TRAF3: variants seen among roughly 807,000 people sequenced by gnomAD.
TRAF3 encodes the protein TNF receptor associated factor 3, also known as TNF receptor-associated factor 3.
TRAF3 carries 13 observed loss-of-function variants against 62.3 expected under a neutral mutation model. That is an observed-to-expected ratio of 0.21 (90% confidence interval 0.14 to 0.33). The LOEUF is 0.33. TRAF3 is among the 10% of genes least tolerant of loss of function. The pLI is 1.00. For missense variants in TRAF3, 440 were observed against 741.8 expected (o/e 0.59, Z 4.73); for synonymous variants, 269 against 283.4 (o/e 0.95, Z 0.51).
intron 2 of TRAF3, among the ~76,000 whole-genome samples, 181 bp downstream of exon 2, chr14:102,830,653 G>A (rs1046292743): frequency 9.2e-5 from 14 of 152,248 alleles, no homozygotes; most frequent in Middle Eastern, 6.8e-3. Context: ...CCCATAGGAG[G>A]GGCAAAGGGC....
At chr14:102,782,356 C>T (rs1303536499) in intron 1 of TRAF3, among the ~76,000 whole-genome samples, 1 of 152,132 alleles carries the variant, frequency 6.6e-6, no homozygotes, top group Non-Finnish European at 1.5e-5. Flanking sequence ...GCCTTAGCCT[C>T]CTAAGTAGCT....
chr14:102,860,989 A>G (rs1237544035), intron 2 of TRAF3, among the ~76,000 whole-genome samples: 2 of 152,256 alleles, frequency 1.3e-5, no homozygotes, highest in African/African-American at 4.8e-5. Flanking sequence ...GTGGCCCTGA[A>G]TAACAGAAAA....
chr14:102,877,200 C>T (rs1888731022), intron 6 of TRAF3, among the ~76,000 whole-genome samples: 2 of 150,074 alleles, frequency 1.3e-5, no homozygotes, highest in Non-Finnish European at 3.0e-5. Context: ...AGGCCTTCCG[C>T]TCAGCTCATA....
At chr14:102,875,777 C>A in intron 5 of TRAF3, 49 bp downstream of exon 5, 3 of 1,490,834 alleles carry the variant, frequency 2.0e-6, no homozygotes, top group Non-Finnish European at 1.9e-6. Context: ...GAATTCGAGT[C>A]CCTTACATCC....
intron 1 of TRAF3, among the ~76,000 whole-genome samples, chr14:102,811,754 TG>T (rs1899174850): frequency 2.0e-5 from 3 of 149,318 alleles, no homozygotes; most frequent in Non-Finnish European, 4.5e-5. Context: ...TGTGTGTGTG[TG>T]TGTGTGTTTG....
At chr14:102,904,532 C>T (rs982887222) in intron 11 of TRAF3, among the ~76,000 whole-genome samples, 1 of 152,084 alleles carries the variant, frequency 6.6e-6, no homozygotes, top group Non-Finnish European at 1.5e-5. Context: ...AAAATGAGGC[C>T]GGGTGCAGTG....
chr14:102,831,581 T>C (rs1350286973), intron 2 of TRAF3, among the ~76,000 whole-genome samples: 1 of 152,208 alleles, frequency 6.6e-6, no homozygotes, highest in African/African-American at 2.4e-5. Flanking sequence ...TGAGTGCTCC[T>C]GGTCTGCCTT....
At chr14:102,891,185 C>T (rs560711686) in intron 8 of TRAF3, 140 bp from the exon 9 acceptor site, 48 of 812,530 alleles carry the variant, frequency 5.9e-5, no homozygotes, top group South Asian at 4.5e-4. Context: ...CCTCCTTAGG[C>T]GCAGAGATTC....
intron 2 of TRAF3, among the ~76,000 whole-genome samples, chr14:102,838,825 C>T (rs1886187645): frequency 1.3e-5 from 2 of 152,120 alleles, no homozygotes; most frequent in Non-Finnish European, 2.9e-5. Context: ...AATTTGATGA[C>T]GTCTGATTGT....
At position 102,870,166 on chromosome 14, in the gene TRAF3, T is replaced by C; in HGVS notation, c.-17-19T>C. 6.2e-7 allele frequency: 1 copy of C among 1,614,106 alleles called. No homozygotes were observed. The highest frequency in any genetic ancestry group is 8.5e-7 in the Non-Finnish European group (1 of 1,180,026). On this transcript the variant is annotated intron_variant, in intron 2 of 11. Coordinates refer to ENST00000392745, the MANE Select transcript of TRAF3 (RefSeq NM_145725.3). ...TGCATGAGAGGATATGATGGCACTC[T>C]ACTGTTTTTTCCCGACAGAACTCCT...
intron 2 of TRAF3, among the ~76,000 whole-genome samples, chr14:102,852,663 A>G (rs1193219244): frequency 6.6e-6 from 1 of 152,160 alleles, no homozygotes; most frequent in Non-Finnish European, 1.5e-5. Context: ...ATTGTGTCAC[A>G]TAAGGTTCAG....
chr14:102,846,677 A>G (rs1210245507), intron 2 of TRAF3, among the ~76,000 whole-genome samples: 1 of 145,246 alleles, frequency 6.9e-6, no homozygotes, highest in Non-Finnish European at 1.5e-5. Flanking sequence ...TTTTCCGGAC[A>G]CGGTGGCATC....
chr14:102,874,187 C>A (rs914894153), intron 4 of TRAF3, among the ~76,000 whole-genome samples: 14 of 152,292 alleles, frequency 9.2e-5, no homozygotes, highest in African/African-American at 3.1e-4. Flanking sequence ...ATCGCTTGAG[C>A]CCAGGAGTTT....
intron 2 of TRAF3, among the ~76,000 whole-genome samples, chr14:102,847,355 G>C (rs1268210550): frequency 1.3e-5 from 2 of 151,916 alleles, no homozygotes; most frequent in Admixed American, 1.3e-4. Flanking sequence ...TTGTATTTTT[G>C]GTAGAGATGG....
chr14:102,891,550 G>C, intron 9 of TRAF3, 133 bp downstream of exon 9: 1 of 1,001,578 alleles, frequency 1.0e-6, no homozygotes, highest in Non-Finnish European at 1.5e-6. Flanking sequence ...AAAAAACTCT[G>C]TGTGATCTTG....
At chr14:102,889,681 G>T (rs1164701181) in intron 8 of TRAF3, 47 bp downstream of exon 8, 2 of 1,594,988 alleles carry the variant, frequency 1.3e-6, no homozygotes, top group African/African-American at 1.3e-5. Context: ...ATTCTGCCAT[G>T]AGAGAAAGTT....
chr14:102,858,531 A>G (rs373981444), intron 2 of TRAF3, among the ~76,000 whole-genome samples: 1 of 74,350 alleles, frequency 1.3e-5, no homozygotes, highest in Non-Finnish European at 2.2e-5. Context: ...AAGTCCTATA[A>G]TAGCTGACTA....
intron 2 of TRAF3, among the ~76,000 whole-genome samples, chr14:102,850,012 G>A (rs1476781279): frequency 1.3e-5 from 2 of 151,990 alleles, no homozygotes; most frequent in Admixed American, 6.6e-5. Flanking sequence ...GGTTTTCCCC[G>A]GGCTTTCCAG....
intron 2 of TRAF3, among the ~76,000 whole-genome samples, chr14:102,869,006 C>T (rs186154768): frequency 8.5e-4 from 130 of 152,300 alleles, no homozygotes; most frequent in African/African-American, 3.1e-3. Context: ...AGAGAGTCCG[C>T]GCAGACAGAC....
Sources: allele counts gnomAD v4.1 joint callset (sites outside exome capture counted in the v4.1 genomes callset), GRCh38; gene constraint gnomAD v4.1.1; transcripts MANE v1.5; gene names NCBI Gene and HGNC (gene_info 2026-07-23, HGNC 2026-07-21).